Variants in MAP1B observed in about 807,000 individuals in gnomAD.
The protein encoded by MAP1B is microtubule associated protein 1B.
A neutral mutation model predicts 176.1 loss-of-function variants in MAP1B; 12 were observed. That is an observed-to-expected ratio of 0.07 (90% CI 0.04 to 0.11). MAP1B has a LOEUF of 0.11. MAP1B is among the 10% of genes least tolerant of loss of function. The pLI is 1.00. For synonymous variants in MAP1B, 1,044 were observed against 1,135.0 expected, an observed-to-expected ratio of 0.92 and a Z score of 1.61; for missense variants, 2,523 against 2,990.5, an observed-to-expected ratio of 0.84 and a Z score of 3.65.
rs1230922017 is a variant in MAP1B, at chr5:72,208,158, C to G, written c.*2919C>G. ...CAGGTTGCTCCTGTCCTTCCAGACA[C>G]CTTTCCTGCCTGTGTGACTAACCTA... On this transcript the variant is annotated 3_prime_UTR_variant, in exon 7 of 7. Coordinates refer to ENST00000296755, the MANE Select transcript of MAP1B (RefSeq NM_005909.5). 1 of 152,124 alleles carries G rather than the reference C, an allele frequency of 6.6e-6. No individual in the cohort carries two copies. The highest frequency in any genetic ancestry group is 1.5e-5 in the Non-Finnish European group (1 of 68,026). The allele number at this position is 152,124 out of a possible 1,614,324, so 9.4% of individuals were successfully genotyped here.
chr5:72,183,383 C>T (rs1220364223), intron 2 of MAP1B, among the ~76,000 whole-genome samples: 2 of 152,160 alleles, frequency 1.3e-5, no homozygotes, highest in Non-Finnish European at 2.9e-5. Context: ...GAAACATCCC[C>T]AATTACCATG....
intron 2 of MAP1B, among the ~76,000 whole-genome samples, chr5:72,124,996 A>T (rs1015745487): frequency 6.6e-6 from 1 of 152,224 alleles, no homozygotes; most frequent in Non-Finnish European, 1.5e-5. Flanking sequence ...AACCCAGGCG[A>T]ACAATGCTTC....
At chr5:72,125,668 G>A (rs1435784286) in intron 2 of MAP1B, among the ~76,000 whole-genome samples, 2 of 152,050 alleles carry the variant, frequency 1.3e-5, no homozygotes, top group East Asian at 3.9e-4. Flanking sequence ...ATTTGTTCAG[G>A]CTATTTTAAA....
rs1580014064 is a variant in MAP1B at position 72,186,900 on chromosome 5, T to G, written c.510+146T>G. 1 of 895,586 alleles carries G rather than the reference T, an allele frequency of 1.1e-6. No individual in the cohort carries two copies. Among genetic ancestry groups the G allele is most frequent in the East Asian group, 2.4e-5 (1 of 41,082 alleles). 55.5% of individuals were successfully genotyped at this position (895,586 alleles called of 1,614,324 possible). ...GCAAAACTGCATGATCCAAAATACTTTATTTCTATGGCTCATTGCCAAAAG... is the reference window on the plus strand; with the variant it reads ...GCAAAACTGCATGATCCAAAATACTGTATTTCTATGGCTCATTGCCAAAAG... On this transcript the variant is annotated intron_variant, in intron 4 of 6. Coordinates refer to ENST00000296755, the MANE Select transcript of MAP1B (RefSeq NM_005909.5). This position sits in a 1 kb window ranked among gnomAD's most constrained non-coding sequence, Gnocchi z 4.3.
chr5:72,196,317 G>A lies in MAP1B; in HGVS notation c.2962G>A (p.Glu988Lys), dbSNP rs1272013756. The change falls in exon 5 of 7, where the codon GAG becomes AAG. Residue 988 changes from glutamate to lysine, a missense_variant. Transcript: ENST00000296755. The surrounding 1 kb of genome is among the most constrained non-coding windows in gnomAD (Gnocchi z 5.3). ...GGCGGAGGCTGATGCATACATCAGG[G>A]AGAAGAGGGAGTCTGTGGCCAGTGG... ...AKAEADAYIR[E>K]KRESVASGDD... 1.2e-6 allele frequency: 2 copies of A among 1,614,114 alleles called. No individual in the cohort carries two copies. Among genetic ancestry groups the A allele is most frequent in the East Asian group, 2.2e-5 (1 of 44,876 alleles).
chr5:72,167,195 T>G (rs943592639), intron 2 of MAP1B, among the ~76,000 whole-genome samples: 1 of 152,188 alleles, frequency 6.6e-6, no homozygotes, highest in Non-Finnish European at 1.5e-5. Flanking sequence ...CCCTGGTCCA[T>G]GCAAGTCATA....
intron 2 of MAP1B, among the ~76,000 whole-genome samples, chr5:72,156,211 T>G (rs1187035733): frequency 1.3e-5 from 2 of 152,192 alleles, no homozygotes; most frequent in East Asian, 3.8e-4. Flanking sequence ...TGCCACTGCA[T>G]GAAGGCAACA....
chr5:72,151,651 G>C (rs1464208879), intron 2 of MAP1B, among the ~76,000 whole-genome samples: 2 of 152,244 alleles, frequency 1.3e-5, no homozygotes, highest in East Asian at 3.9e-4. Context: ...GTGTGGATTT[G>C]TTTTCATAAT....
intron 2 of MAP1B, among the ~76,000 whole-genome samples, chr5:72,159,872 G>A (rs749591115): frequency 2.0e-5 from 3 of 152,162 alleles, no homozygotes; most frequent in Non-Finnish European, 4.4e-5. Context: ...CATGGTTGTT[G>A]AGTACATGCA....
intron 2 of MAP1B, among the ~76,000 whole-genome samples, chr5:72,141,906 T>C (rs889285054): frequency 2.0e-5 from 3 of 152,258 alleles, no homozygotes; most frequent in Admixed American, 6.5e-5. Context: ...CCACTGGTTC[T>C]GGCTGACCTT....
At chr5:72,134,145 G>A (rs1745788469) in intron 2 of MAP1B, among the ~76,000 whole-genome samples, 1 of 152,144 alleles carries the variant, frequency 6.6e-6, no homozygotes, top group Admixed American at 6.5e-5. Context: ...TGTCTTTTGT[G>A]ACACCACAGT....
rs1361518961 is a variant in MAP1B at position 72,194,722 on chromosome 5, G to A, written c.1367G>A (p.Gly456Asp). 1 of 1,614,192 alleles carries A rather than the reference G, an allele frequency of 6.2e-7. No individual in the cohort carries two copies. ...AAGGCTGAATTCATTCTGCCTAATG[G>A]TCAAGAAGTAGATCTCCCGATTTCC... ...KDKAEFILPN[G>D]QEVDLPISYL... The change falls in exon 5 of 7, where the codon GGT becomes GAT. Residue 456 changes from glycine to aspartate, a missense_variant. Around this residue, in one of 4 missense-constraint regions of MAP1B, gnomAD observed 1,925 missense variants for 2,126.0 expected, o/e 0.91. Transcript: ENST00000296755. This position sits in a 1 kb window ranked among gnomAD's most constrained non-coding sequence, Gnocchi z 7.2.
At chr5:72,162,483 A>G (rs1230457167) in intron 2 of MAP1B, among the ~76,000 whole-genome samples, 2 of 152,162 alleles carry the variant, frequency 1.3e-5, no homozygotes, top group African/African-American at 4.8e-5. Context: ...AGACATCCTG[A>G]AAAAGAAAGT....
Position 72,197,604 on chromosome 5 carries a change from G to A in MAP1B, c.4249G>A (p.Asp1417Asn), listed in dbSNP as rs769373379. The A allele has an allele frequency of 9.3e-6, 15 of 1,614,064 alleles. No individual in the cohort carries two copies. The highest frequency in any genetic ancestry group is 1.3e-5 in the Non-Finnish European group (15 of 1,180,044). Reference protein sequence around the residue: ...ESAYESFLSADDKASGRGAES... With the variant: ...ESAYESFLSANDKASGRGAES... ...TGCTTATGAAAGTTTTCTAAGTGCT[G>A]ATGACAAGGCTTCTGGCAGAGGTGC... Residue 1417 changes from aspartate to asparagine, a missense_variant, in exon 5 of 7, where the codon GAT becomes AAT. This residue lies in a region of MAP1B where 1,925 missense variants were observed against 2,126.0 expected (regional missense o/e 0.91). Transcript: ENST00000296755.
intron 2 of MAP1B, among the ~76,000 whole-genome samples, chr5:72,130,965 A>G (rs1745721813): frequency 6.6e-6 from 1 of 152,198 alleles, no homozygotes; most frequent in Admixed American, 6.5e-5. Flanking sequence ...TTAGGACACA[A>G]TTACTTGCTT....
chr5:72,179,705 T>C lies in MAP1B; in HGVS notation c.287-4038T>C, dbSNP rs568027527. 8.1e-6 allele frequency: 8 copies of C among 985,462 alleles called. No homozygotes were observed. In the South Asian group the frequency reaches 2.3e-4, roughly 29 times the overall value. The allele number at this position is 985,462 out of a possible 1,614,324, so 61.0% of individuals were successfully genotyped here. ...CCAACAGTCTGGCCGTGACAAGAGC[T>C]GGAAGCTTCTCTCTCTCCCTTTAAA... On this transcript the variant is annotated intron_variant, in intron 2 of 6. Transcript: ENST00000296755.
At chr5:72,183,981 G>A (rs1362903420) in intron 3 of MAP1B, among the ~76,000 whole-genome samples, 156 bp downstream of exon 3, 2 of 152,206 alleles carry the variant, frequency 1.3e-5, no homozygotes, top group Admixed American at 6.5e-5. Flanking sequence ...TAAGTGGCTG[G>A]TTCCCTGCAT....
chr5:72,197,096 A>T lies in MAP1B; in HGVS notation c.3741A>T (p.Ser1247=), dbSNP rs1353739793. The change falls in exon 5 of 7, where the codon TCA becomes TCT. Residue 1247 remains serine, a synonymous_variant. Coordinates refer to ENST00000296755, the MANE Select transcript of MAP1B (RefSeq NM_005909.5). The part of the protein sequence containing the change: ...LDIKDSISAV[S]SEKVSPSKSP... ...TCAAAGATAGCATCTCAGCTGTTTC[A>T]AGTGAAAAGGTCAGCCCATCGAAGA... 6.2e-7 allele frequency: 1 copy of T among 1,614,228 alleles called. No homozygotes were observed. The highest frequency in any genetic ancestry group is 1.1e-5 in the South Asian group (1 of 91,088).
intron 2 of MAP1B, among the ~76,000 whole-genome samples, chr5:72,175,138 C>A (rs1039616400): frequency 4.8e-5 from 7 of 146,954 alleles, no homozygotes; most frequent in African/African-American, 1.8e-4. Flanking sequence ...GATCTCGGCT[C>A]ACTACAGCCT....
Sources: gnomAD v4.1 joint callset for allele counts (sites outside exome capture counted in the v4.1 genomes callset) on GRCh38, gnomAD v4.1.1 for gene constraint, gnomAD v4.1.1 regional missense constraint, Gnocchi (gnomAD v3.1) non-coding constraint, MANE v1.5 for transcripts, NCBI Gene and HGNC (gene_info 2026-07-23, HGNC 2026-07-21) for gene names.